PARD3: variants seen among roughly 807,000 people sequenced by gnomAD.
The protein encoded by PARD3 is partitioning defective 3 homolog.
In PARD3, 75 loss-of-function variants were observed where a neutral mutation model predicts 155.4. That is an observed-to-expected ratio of 0.48 (90% CI 0.40 to 0.58). The LOEUF is 0.58. Among genes scored for constraint, PARD3 ranks in the 20% least tolerant of loss-of-function variants. PARD3 has a pLI of 0.00. For synonymous variants in PARD3, 576 were observed against 610.5 expected (o/e 0.94, Z 0.83); for missense variants, 1,642 against 1,721.7 (o/e 0.95, Z 0.82).
chr10:34,666,816 T>TATACACACACAC (rs765552982), intron 2 of PARD3, among the ~76,000 whole-genome samples: 1 of 88,768 alleles, frequency 1.1e-5, no homozygotes, highest in Non-Finnish European at 2.0e-5. Flanking sequence ...TATATATATA[T>TATACACACACAC]ACACACACAC....
chr10:34,766,838 G>A (rs947089433), intron 1 of PARD3, among the ~76,000 whole-genome samples: 1 of 152,132 alleles, frequency 6.6e-6, no homozygotes, highest in Admixed American at 6.5e-5. Flanking sequence ...AGTGACTTTC[G>A]GAGGCTCAAA....
chr10:34,241,152 G>T (rs542312327), intron 22 of PARD3, among the ~76,000 whole-genome samples: 1 of 152,214 alleles, frequency 6.6e-6, no homozygotes, highest in Non-Finnish European at 1.5e-5. Context: ...TTGAGAGGAC[G>T]TGTCTGTGGT....
At chr10:34,539,647 C>T (rs1347276138) in intron 2 of PARD3, among the ~76,000 whole-genome samples, 4 of 152,152 alleles carry the variant, frequency 2.6e-5, no homozygotes, top group Non-Finnish European at 5.9e-5. Context: ...GGTGACACAG[C>T]GAGACTCCGT....
At chr10:34,588,872 T>C (rs570036464) in intron 2 of PARD3, among the ~76,000 whole-genome samples, 1 of 152,310 alleles carries the variant, frequency 6.6e-6, no homozygotes, top group East Asian at 1.9e-4. Flanking sequence ...TGAATCAAGA[T>C]CTGTAGGACA....
intron 3 of PARD3, among the ~76,000 whole-genome samples, chr10:34,512,160 T>C (rs777086179): frequency 5.9e-5 from 9 of 152,188 alleles, no homozygotes; most frequent in Non-Finnish European, 1.0e-4. Context: ...AATGCTACCA[T>C]TATGTCTTCA....
intron 5 of PARD3, among the ~76,000 whole-genome samples, chr10:34,443,308 T>C (rs1194841683): frequency 2.6e-5 from 4 of 152,234 alleles, no homozygotes; most frequent in African/African-American, 9.6e-5. Context: ...TAAATTATAA[T>C]GAAAACAAAA....
chr10:34,616,571 C>T (rs1223665669), intron 2 of PARD3, among the ~76,000 whole-genome samples: 2 of 152,070 alleles, frequency 1.3e-5, no homozygotes, highest in East Asian at 1.9e-4. Context: ...CCCTGGAGGA[C>T]GTTATGTGAA....
intron 5 of PARD3, among the ~76,000 whole-genome samples, chr10:34,411,156 G>A (rs1019046546): frequency 8.5e-5 from 13 of 152,136 alleles, no homozygotes; most frequent in African/African-American, 3.1e-4. Context: ...ACAGAGATGG[G>A]GGAGGAGGGA....
intron 2 of PARD3, among the ~76,000 whole-genome samples, chr10:34,615,126 A>G (rs2091167599): frequency 6.6e-6 from 1 of 152,188 alleles, no homozygotes; most frequent in Non-Finnish European, 1.5e-5. Context: ...AATTGCAGTG[A>G]GCCGAGATGG....
chr10:34,650,527 T>C (rs2092976296), intron 2 of PARD3, among the ~76,000 whole-genome samples: 1 of 152,166 alleles, frequency 6.6e-6, no homozygotes, highest in Non-Finnish European at 1.5e-5. Context: ...GGGGGAGAAC[T>C]CTAAAGATGA....
At chr10:34,163,686 A>C (rs1949389351) in intron 22 of PARD3, among the ~76,000 whole-genome samples, 1 of 152,208 alleles carries the variant, frequency 6.6e-6, no homozygotes, top group African/African-American at 2.4e-5. Context: ...GGAAATGCAT[A>C]AACAAATAGC....
At chr10:34,196,990 G>A (rs1023981585) in intron 22 of PARD3, among the ~76,000 whole-genome samples, 30 of 152,060 alleles carry the variant, frequency 2.0e-4, no homozygotes, top group African/African-American at 6.8e-4. Flanking sequence ...TCCACCTCAC[G>A]AAATGGCTGG....
Position 34,382,648 on chromosome 10 carries a change from GTTT to G in PARD3, c.1288_1290del (p.Lys430del). On this transcript the variant is annotated inframe_deletion, in exon 9 of 25. Transcript: ENST00000374788. Reference sequence around the variant, plus strand: ...GGTGCCGAGGCTGGAGCGGATGGTGGTTTTCCCGAGGGGTGTGCGCTATGAGGT... The same window carrying G: ...GGTGCCGAGGCTGGAGCGGATGGTGGTCCCGAGGGGTGTGCGCTATGAGGT... The G allele has an allele frequency of 6.2e-7, 1 of 1,614,152 alleles. No homozygotes were observed. The highest frequency in any genetic ancestry group is 8.5e-7 in the Non-Finnish European group (1 of 1,180,032).
At chr10:34,473,513 C>A (rs1288493929) in intron 3 of PARD3, among the ~76,000 whole-genome samples, 4 of 143,732 alleles carry the variant, frequency 2.8e-5, no homozygotes, top group African/African-American at 1.1e-4. Context: ...ACAGTGAGAT[C>A]CTGTCTCTAC....
chr10:34,370,137 GAAAC>G (rs1840430762), intron 12 of PARD3, among the ~76,000 whole-genome samples: 1 of 152,092 alleles, frequency 6.6e-6, no homozygotes, highest in Admixed American at 6.6e-5. Flanking sequence ...AAAAAATTAA[GAAAC>G]AAATAATATT....
chr10:34,517,302 T>G, intron 2 of PARD3, 143 bp from the exon 3 acceptor site: 1 of 663,822 alleles, frequency 1.5e-6, no homozygotes. Flanking sequence ...AAGAAAAACC[T>G]CAAAGAAACA....
intron 5 of PARD3, among the ~76,000 whole-genome samples, chr10:34,437,203 G>C (rs1373219693): frequency 6.6e-6 from 1 of 152,006 alleles, no homozygotes; most frequent in African/African-American, 2.4e-5. Context: ...TGATAATAAG[G>C]AATTGGGACA....
intron 20 of PARD3, among the ~76,000 whole-genome samples, chr10:34,311,474 G>A (rs1211983487): frequency 6.6e-6 from 1 of 152,178 alleles, no homozygotes; most frequent in Non-Finnish European, 1.5e-5. Flanking sequence ...TAATGAAACT[G>A]TGAATTAAGG....
At chr10:34,791,946 T>G (rs984745166) in intron 1 of PARD3, among the ~76,000 whole-genome samples, 1 of 152,082 alleles carries the variant, frequency 6.6e-6, no homozygotes, top group African/African-American at 2.4e-5. Context: ...ACTGAATGTT[T>G]TGTTACACAC....
Sources: gnomAD v4.1 joint callset for allele counts (sites outside exome capture counted in the v4.1 genomes callset) on GRCh38, gnomAD v4.1.1 for gene constraint, MANE v1.5 for transcripts, NCBI Gene and HGNC (gene_info 2026-07-23, HGNC 2026-07-21) for gene names.